RFX8: variants seen among roughly 807,000 people sequenced by gnomAD.
RFX8 encodes the protein DNA-binding protein RFX8.
In RFX8, 46 loss-of-function variants were observed where a neutral mutation model predicts 54.6. The observed-to-expected ratio is 0.84, with a 90% CI of 0.67 to 1.08. The LOEUF (loss-of-function observed/expected upper bound fraction) is 1.08. RFX8 is among the 50% of genes least tolerant of loss of function. The pLI, the probability that RFX8 is intolerant of heterozygous loss-of-function variation, is 0.00. For missense variants in RFX8, 536 were observed against 562.3 expected, an observed-to-expected ratio of 0.95 and a Z score of 0.47; for synonymous variants, 192 against 209.5, an observed-to-expected ratio of 0.92 and a Z score of 0.72.
rs569155827 is a variant in RFX8 at position 101,426,319 on chromosome 2, G to C, written c.73-3847C>G. Among the ~76,000 whole-genome samples, 77 of 152,034 alleles carry C rather than the reference G, an allele frequency of 5.1e-4. 1 individual carries two copies. The highest frequency in any genetic ancestry group is 1.8e-3 in the African/African-American group (76 of 41,468). Reference sequence around the variant, plus strand: ...GTTCATGACCAGCATGGGCAACATAGTAAGAGCCTGTCTCTACAAAAAATT... The same window carrying C: ...GTTCATGACCAGCATGGGCAACATACTAAGAGCCTGTCTCTACAAAAAATT... On this transcript the variant is annotated intron_variant, in intron 2 of 11. Coordinates refer to ENST00000428343, the MANE Select transcript of RFX8 (RefSeq NM_001145664.2).
intron 2 of RFX8, among the ~76,000 whole-genome samples, chr2:101,448,834 G>A (rs999850338): frequency 2.0e-5 from 3 of 152,222 alleles, no homozygotes; most frequent in Non-Finnish European, 4.4e-5. Flanking sequence ...AGGGCTCCAA[G>A]TGAAATTGAT....
At chr2:101,414,795 C>T (rs1279055868) in intron 7 of RFX8, 59 bp downstream of exon 7, 7 of 1,283,846 alleles carry the variant, frequency 5.5e-6, no homozygotes, top group Non-Finnish European at 7.7e-6. Context: ...GGACTTAGAG[C>T]TTTCACCTCT....
chr2:101,470,709 CTTTTT>C (rs537834632), intron 1 of RFX8, among the ~76,000 whole-genome samples: 1 of 105,538 alleles, frequency 9.5e-6, no homozygotes, highest in Non-Finnish European at 1.9e-5. Flanking sequence ...TCTGAGTACT[CTTTTT>C]TTTTTTTTTT....
At chr2:101,471,926 C>T (rs772856957) in intron 1 of RFX8, among the ~76,000 whole-genome samples, 16 of 152,222 alleles carry the variant, frequency 1.1e-4, no homozygotes, top group Non-Finnish European at 1.9e-4. Flanking sequence ...TGGGCCCCTC[C>T]CTGGTCTTTC....
chr2:101,461,624 C>T (rs1239377931), intron 2 of RFX8, among the ~76,000 whole-genome samples: 4 of 152,150 alleles, frequency 2.6e-5, no homozygotes, highest in Non-Finnish European at 4.4e-5. Flanking sequence ...AATACTGAGT[C>T]ACCCCAACCC....
Position 101,424,023 on chromosome 2 carries a change from G to A in RFX8, c.73-1551C>T, listed in dbSNP as rs182617591. Among the ~76,000 whole-genome samples the A allele has an allele frequency of 6.6e-4, 101 of 152,218 alleles. 2 individuals carry two copies. Among genetic ancestry groups the A allele is most frequent in the Middle Eastern group, 3.4e-3 (1 of 294 alleles). ...TCTCCCTGGAGAAAATGCATACTAC[G>A]CACACAATATTATGAAGATGCCACG... On this transcript the variant is annotated intron_variant, in intron 2 of 11. Transcript: ENST00000428343.
At chr2:101,455,514 T>C (rs1042681530) in intron 2 of RFX8, among the ~76,000 whole-genome samples, 2 of 152,230 alleles carry the variant, frequency 1.3e-5, no homozygotes, top group Admixed American at 6.5e-5. Flanking sequence ...TTGTCAAAGA[T>C]CAGATGGTTG....
At chr2:101,418,289 G>C (rs890566652) in intron 5 of RFX8, among the ~76,000 whole-genome samples, 1 of 152,032 alleles carries the variant, frequency 6.6e-6, no homozygotes, top group African/African-American at 2.4e-5. Flanking sequence ...TATATTTAAG[G>C]GCTGAACCCA....
At chr2:101,457,013 CT>C (rs1482118907) in intron 2 of RFX8, among the ~76,000 whole-genome samples, 18 of 152,196 alleles carry the variant, frequency 1.2e-4, no homozygotes, top group Non-Finnish European at 2.5e-4. Flanking sequence ...ATACTATTCT[CT>C]GACGGTAGTT....
intron 9 of RFX8, 91 bp downstream of exon 9, chr2:101,410,528 A>G: frequency 5.7e-6 from 4 of 696,546 alleles, no homozygotes; most frequent in East Asian, 2.7e-5. Context: ...CCAGAGCCTA[A>G]GAAGCCTCTT....
chr2:101,445,099 G>A (rs1031636721), intron 2 of RFX8, among the ~76,000 whole-genome samples: 13 of 152,152 alleles, frequency 8.5e-5, no homozygotes, highest in Non-Finnish European at 1.8e-4. Flanking sequence ...TCAATGGGCT[G>A]TTTCTTCCAG....
Position 101,419,583 on chromosome 2 carries a change from C to T in RFX8, c.238-619G>A, listed in dbSNP as rs554628649. On this transcript the variant is annotated intron_variant, in intron 4 of 11. Coordinates refer to ENST00000428343, the MANE Select transcript of RFX8 (RefSeq NM_001145664.2). ...TTAACCAGGTGACCGATCTGCTTCG[C>T]CGCCAATAAAGACTCTTGCCTGTTT... Among the ~76,000 whole-genome samples the T allele has an allele frequency of 9.8e-5, 15 of 152,326 alleles. No individual in the cohort carries two copies. In the South Asian group the frequency reaches 1.2e-3, roughly 13 times the overall value.
chr2:101,411,848 T>C (rs920839388), intron 8 of RFX8, among the ~76,000 whole-genome samples: 6 of 152,130 alleles, frequency 3.9e-5, no homozygotes, highest in African/African-American at 1.4e-4. Flanking sequence ...GGCACAACCC[T>C]ACCAAGGCCA....
intron 2 of RFX8, among the ~76,000 whole-genome samples, chr2:101,451,454 G>A (rs1487649373): frequency 2.6e-5 from 4 of 152,074 alleles, no homozygotes; most frequent in Admixed American, 6.5e-5. Flanking sequence ...TTGGGAGGCT[G>A]AGACGGGTGG....
At chr2:101,471,321 G>A (rs1192074583) in intron 1 of RFX8, among the ~76,000 whole-genome samples, 2 of 151,964 alleles carry the variant, frequency 1.3e-5, no homozygotes, top group Non-Finnish European at 2.9e-5. Flanking sequence ...GAGACAAAGC[G>A]AGACTCCATC....
chr2:101,449,686 T>C (rs1003079385), intron 2 of RFX8, among the ~76,000 whole-genome samples: 1 of 152,052 alleles, frequency 6.6e-6, no homozygotes, highest in Non-Finnish European at 1.5e-5. Context: ...CAGGGAGGAA[T>C]GCCTAGGAGG....
chr2:101,406,209 G>C (rs1014437442), intron 9 of RFX8, among the ~76,000 whole-genome samples, 152 bp from the exon 10 acceptor site: 1 of 152,004 alleles, frequency 6.6e-6, no homozygotes, highest in African/African-American at 2.4e-5. Context: ...CTGAGGCAGC[G>C]GGGCAAATGT....
At chr2:101,472,260 C>T (rs539419588) in intron 1 of RFX8, among the ~76,000 whole-genome samples, 49 of 152,270 alleles carry the variant, frequency 3.2e-4, no homozygotes, top group Admixed American at 2.0e-3. Context: ...CGCCACCACA[C>T]CCAGCTAATT....
At chr2:101,471,809 G>A (rs937778667) in intron 1 of RFX8, among the ~76,000 whole-genome samples, 2 of 152,212 alleles carry the variant, frequency 1.3e-5, no homozygotes, top group African/African-American at 4.8e-5. Flanking sequence ...GGATGACAGT[G>A]GCACTGATGT....
Sources: gnomAD v4.1 joint callset for allele counts (sites outside exome capture counted in the v4.1 genomes callset) on GRCh38, gnomAD v4.1.1 for gene constraint, MANE v1.5 for transcripts, NCBI Gene and HGNC (gene_info 2026-07-23, HGNC 2026-07-21) for gene names.